Variants in USH2A observed in about 807,000 individuals in gnomAD.
The protein encoded by USH2A is Usher syndrome 2A (autosomal recessive, mild).
In USH2A, 443 loss-of-function variants were observed where a neutral mutation model predicts 538.9. The ratio of observed to expected loss-of-function variants is 0.82; its 90% CI spans 0.76 to 0.89. The LOEUF is 0.89. USH2A is among the 40% of genes least tolerant of loss of function. USH2A has a pLI of 0.00. For missense variants in USH2A, 6,633 were observed against 6,324.8 expected, an observed-to-expected ratio of 1.05 and a Z score of -1.65; for synonymous variants, 2,413 against 2,273.5, an observed-to-expected ratio of 1.06 and a Z score of -1.75.
chr1:216,307,740 G>C (rs923104630), intron 9 of USH2A, among the ~76,000 whole-genome samples: 2 of 152,150 alleles, frequency 1.3e-5, no homozygotes, highest in African/African-American at 4.8e-5. Context: ...TGGGGGCTGA[G>C]AGAGTCCACA....
intron 11 of USH2A, among the ~76,000 whole-genome samples, chr1:216,257,451 A>T (rs2036280642): frequency 6.6e-6 from 1 of 151,818 alleles, no homozygotes; most frequent in Admixed American, 6.6e-5. Context: ...CTGCTGTAGT[A>T]TTTTATTTTA....
At chr1:215,980,941 C>T (rs2813727) in intron 35 of USH2A, among the ~76,000 whole-genome samples, 126,012 of 151,980 alleles carry the variant, frequency 0.83, 52,340 homozygotes, top group East Asian at 0.94. Context: ...GAAGCGCATA[C>T]ACAAATTTTC....
At position 216,364,835 on chromosome 1, in the gene USH2A, G is replaced by A; in HGVS notation, c.784+118C>T. On this transcript the variant is annotated intron_variant, in intron 4 of 71. Coordinates refer to ENST00000307340, the MANE Select transcript of USH2A (RefSeq NM_206933.4). ...TCTGCCATCCAGTTGGTGGTAATTT[G>A]TTCAGTAGCCCTAGAAGATGAATAC... 2.5e-5 allele frequency: 34 copies of A among 1,345,874 alleles called. No homozygotes were observed. The South Asian group carries it at 4.3e-4, about 17-fold the overall frequency. The allele number at this position is 1,345,874 out of a possible 1,614,324, so 83.4% of individuals were successfully genotyped here.
intron 65 of USH2A, 122 bp downstream of exon 65, chr1:215,650,470 A>T: frequency 1.7e-6 from 2 of 1,168,884 alleles, no homozygotes; most frequent in Non-Finnish European, 2.5e-6. Flanking sequence ...AGTTCACCGT[A>T]GAGCAACTGA....
intron 38 of USH2A, among the ~76,000 whole-genome samples, chr1:215,932,527 G>T (rs1666390594): frequency 1.3e-5 from 2 of 151,922 alleles, no homozygotes; most frequent in Non-Finnish European, 2.9e-5. Flanking sequence ...ACTGCCACAA[G>T]GTCATAAAAA....
At chr1:215,663,667 T>C (rs894214808) in intron 64 of USH2A, among the ~76,000 whole-genome samples, 5 of 152,146 alleles carry the variant, frequency 3.3e-5, no homozygotes, top group Non-Finnish European at 1.5e-5. Flanking sequence ...AGGCAGGTAG[T>C]GCAAAAGGAT....
At chr1:215,738,485 A>T (rs1660214303) in intron 60 of USH2A, among the ~76,000 whole-genome samples, 1 of 152,156 alleles carries the variant, frequency 6.6e-6, no homozygotes, top group East Asian at 1.9e-4. Flanking sequence ...AATTATAAAC[A>T]TTCTTCTATC....
At chr1:215,982,632 G>T (rs1193071673) in intron 35 of USH2A, among the ~76,000 whole-genome samples, 1 of 152,184 alleles carries the variant, frequency 6.6e-6, no homozygotes, top group Non-Finnish European at 1.5e-5. Flanking sequence ...TTGTAAGTCT[G>T]CTGGATTTAG....
At chr1:215,641,207 T>C (rs988881228) in intron 67 of USH2A, among the ~76,000 whole-genome samples, 1 of 152,154 alleles carries the variant, frequency 6.6e-6, no homozygotes. Flanking sequence ...AGTTAATATA[T>C]TTTTTTCTCC....
chr1:215,905,880 T>C (rs17025585), intron 38 of USH2A, among the ~76,000 whole-genome samples: 1,837 of 152,212 alleles, frequency 0.012, 37 homozygotes, highest in African/African-American at 0.042. Flanking sequence ...TTAGAGAAAC[T>C]GCGGCCTTTT....
intron 49 of USH2A, among the ~76,000 whole-genome samples, chr1:215,804,463 A>C (rs1376969935): frequency 1.3e-5 from 2 of 151,848 alleles, no homozygotes; most frequent in African/African-American, 4.9e-5. Context: ...CCCATCAAAA[A>C]GTGGGTGAAG....
intron 12 of USH2A, among the ~76,000 whole-genome samples, chr1:216,248,454 A>T (rs2036094887): frequency 6.6e-6 from 1 of 152,054 alleles, no homozygotes; most frequent in Non-Finnish European, 1.5e-5. Flanking sequence ...TGCAATTTAA[A>T]AATTAATCTT....
Position 215,779,944 on chromosome 1 carries a change from G to T in USH2A, c.10838C>A (p.Pro3613His), listed in dbSNP as rs1661579995. The T allele has an allele frequency of 6.2e-7, 1 of 1,613,968 alleles. No individual in the cohort carries two copies. The highest frequency in any genetic ancestry group is 1.3e-5 in the African/African-American group (1 of 74,872). ...TTTAATGACGCCGTTTGATTTCTCA[G>T]GGACACTCCAGCTCAGATGCAGAGC... ...AVALHLSWSV[P>H]EKSNGVIKEY... is the part of the protein sequence containing the mutation. Residue 3613 changes from proline (P) to histidine (H), a missense_variant, in exon 55 of 72, where the codon CCT (proline) becomes CAT (histidine). Physicochemically the swap from Pro to His is moderately conservative, Grantham distance 77. Coordinates refer to ENST00000307340, the MANE Select transcript of USH2A (RefSeq NM_206933.4).
intron 3 of USH2A, among the ~76,000 whole-genome samples, chr1:216,384,835 G>A (rs1430283890): frequency 2.6e-5 from 4 of 152,146 alleles, no homozygotes; most frequent in African/African-American, 9.7e-5. Context: ...TTGTGGGCTA[G>A]GCTAGAAGTG....
At chr1:216,387,870 T>G (rs2039032822) in intron 3 of USH2A, among the ~76,000 whole-genome samples, 1 of 152,142 alleles carries the variant, frequency 6.6e-6, no homozygotes, top group Admixed American at 6.5e-5. Flanking sequence ...TTACACTGTC[T>G]GAATTAGGTA....
chr1:216,415,099 C>T (rs1377537119), intron 3 of USH2A, among the ~76,000 whole-genome samples: 1 of 151,986 alleles, frequency 6.6e-6, no homozygotes, highest in Non-Finnish European at 1.5e-5. Flanking sequence ...AGAAAAAAAG[C>T]ACAAGACTGA....
At chr1:216,292,060 A>C (rs561715141) in intron 10 of USH2A, 115 bp downstream of exon 10, 2 of 1,214,230 alleles carry the variant, frequency 1.6e-6, no homozygotes, top group African/African-American at 3.0e-5. Flanking sequence ...TCAAACTTAA[A>C]GGTATGAAAG....
At chr1:215,906,856 C>T (rs984063462) in intron 38 of USH2A, among the ~76,000 whole-genome samples, 1 of 152,008 alleles carries the variant, frequency 6.6e-6, no homozygotes, top group Non-Finnish European at 1.5e-5. Context: ...TGTCATGGAA[C>T]TGATATTTGA....
intron 4 of USH2A, among the ~76,000 whole-genome samples, chr1:216,332,493 C>T (rs1469621399): frequency 2.0e-5 from 3 of 152,100 alleles, no homozygotes; most frequent in Non-Finnish European, 2.9e-5. Flanking sequence ...TAAGTATGTG[C>T]TCAGGTATAT....
Sources: gnomAD v4.1 joint callset for allele counts (sites outside exome capture counted in the v4.1 genomes callset) on GRCh38, gnomAD v4.1.1 for gene constraint, MANE v1.5 for transcripts, NCBI Gene and HGNC (gene_info 2026-07-23, HGNC 2026-07-21) for gene names.